CDIN1: variants seen among roughly 807,000 people sequenced by gnomAD.
CDIN1 encodes CDAN1 interacting nuclease 1, also known as CDAN1-interacting nuclease 1.
CDIN1 carries 33 observed loss-of-function variants against 45.3 expected under a neutral mutation model. That is an observed-to-expected ratio of 0.73 (90% CI 0.55 to 0.97). The LOEUF is 0.97. Ranked by LOEUF, CDIN1 falls within the 50% of genes least tolerant of loss-of-function variation. The pLI, the probability that CDIN1 is intolerant of heterozygous loss-of-function variation, is 0.00. For synonymous variants in CDIN1, 118 were observed against 124.4 expected, an observed-to-expected ratio of 0.95 and a Z score of 0.34; for missense variants, 303 against 339.4, an observed-to-expected ratio of 0.89 and a Z score of 0.84.
chr15:36,638,830 A>C (rs1418297226), intron 1 of CDIN1, among the ~76,000 whole-genome samples: 1 of 152,240 alleles, frequency 6.6e-6, no homozygotes, highest in Non-Finnish European at 1.5e-5. Flanking sequence ...TTGGAGTATA[A>C]TGTCACATCA....
intron 1 of CDIN1, among the ~76,000 whole-genome samples, chr15:36,621,872 G>GTTTTTTTT (rs553981750): frequency 0.14 from 20,309 of 141,884 alleles, 1,757 homozygotes; most frequent in African/African-American, 0.24. Context: ...AACAAGTTCA[G>GTTTTTTTT]TTTTTTTTTT....
chr15:36,735,681 G>GTACGA (rs1457703614), intron 10 of CDIN1, among the ~76,000 whole-genome samples: 3 of 112,688 alleles, frequency 2.7e-5, no homozygotes, highest in African/African-American at 9.5e-5. Flanking sequence ...TTGGTAGACT[G>GTACGA]TAAGATAAGT....
At chr15:36,642,835 T>C (rs1306233244) in intron 1 of CDIN1, among the ~76,000 whole-genome samples, 1 of 152,206 alleles carries the variant, frequency 6.6e-6, no homozygotes, top group African/African-American at 2.4e-5. Context: ...TGGTTAATAA[T>C]ATACATGGTT....
At chr15:36,787,839 AATATGTATCATATATTTAG>A (rs2054530450) in intron 10 of CDIN1, among the ~76,000 whole-genome samples, 1 of 151,388 alleles carries the variant, frequency 6.6e-6, no homozygotes, top group South Asian at 2.1e-4. Context: ...AAGACTAGGT[AATATGTATCATATATTTAG>A]ATATGTATCA....
chr15:36,583,153 T>TC (rs987036932), intron 1 of CDIN1, among the ~76,000 whole-genome samples: 2 of 152,208 alleles, frequency 1.3e-5, no homozygotes, highest in East Asian at 1.9e-4. Flanking sequence ...GCTTTTTTTT[T>TC]CTGACATTTT....
chr15:36,596,356 A>C (rs1307717287), intron 1 of CDIN1, among the ~76,000 whole-genome samples: 1 of 152,178 alleles, frequency 6.6e-6, no homozygotes, highest in Non-Finnish European at 1.5e-5. Flanking sequence ...AATTTGCCAA[A>C]TTTATGGATA....
chr15:36,744,500 A>G (rs918489492), intron 10 of CDIN1, among the ~76,000 whole-genome samples: 2 of 152,194 alleles, frequency 1.3e-5, no homozygotes, highest in Non-Finnish European at 2.9e-5. Flanking sequence ...TATGTTCACC[A>G]TTCTGGGAAC....
intron 1 of CDIN1, among the ~76,000 whole-genome samples, chr15:36,620,224 G>A (rs1167684679): frequency 2.6e-5 from 4 of 152,004 alleles, no homozygotes; most frequent in South Asian, 2.1e-4. Context: ...GGTGGCGGGC[G>A]CCTGTAGGCC....
intron 10 of CDIN1, among the ~76,000 whole-genome samples, chr15:36,763,906 G>T (rs72708624): frequency 0.1 from 15,328 of 152,184 alleles, 914 homozygotes; most frequent in Non-Finnish European, 0.14. Flanking sequence ...TATATACATA[G>T]TGAATGTCCA....
intron 10 of CDIN1, among the ~76,000 whole-genome samples, chr15:36,755,632 G>A (rs563624324): frequency 6.6e-6 from 1 of 151,490 alleles, no homozygotes; most frequent in East Asian, 1.9e-4. Flanking sequence ...TGCTAAAATA[G>A]ATTACTCATT....
At chr15:36,691,839 T>C in intron 6 of CDIN1, 75 bp downstream of exon 6, 1 of 1,149,400 alleles carries the variant, frequency 8.7e-7, no homozygotes. Context: ...TTAAACCTCA[T>C]TTAATTACTG....
chr15:36,691,397 C>A, intron 5 of CDIN1: 1 of 308,562 alleles, frequency 3.2e-6, no homozygotes, highest in Non-Finnish European at 5.9e-6. Context: ...CCCAAATGGG[C>A]TTTTCGGAAG....
intron 10 of CDIN1, among the ~76,000 whole-genome samples, chr15:36,713,037 T>C (rs895864094): frequency 2.0e-5 from 3 of 152,170 alleles, no homozygotes; most frequent in Admixed American, 2.0e-4. Context: ...TAAGTATACT[T>C]TTATACTGAG....
intron 10 of CDIN1, among the ~76,000 whole-genome samples, chr15:36,754,566 TAAAA>T (rs5811936): frequency 2.0e-5 from 2 of 102,488 alleles, no homozygotes; most frequent in Non-Finnish European, 4.0e-5. Flanking sequence ...TGGTCTCTCT[TAAAA>T]AAAAAAAAAA....
At chr15:36,750,093 T>C (rs897333717) in intron 10 of CDIN1, among the ~76,000 whole-genome samples, 1 of 151,766 alleles carries the variant, frequency 6.6e-6, no homozygotes. Context: ...TGGTTCGCGG[T>C]GGTGGTGTGG....
chr15:36,680,158 C>T (rs1173375087), intron 5 of CDIN1, among the ~76,000 whole-genome samples: 2 of 152,146 alleles, frequency 1.3e-5, no homozygotes. Context: ...CCACCAATGA[C>T]CATTCTCCCT....
chr15:36,677,692 A>G (rs2041697334), intron 5 of CDIN1, among the ~76,000 whole-genome samples: 1 of 152,150 alleles, frequency 6.6e-6, no homozygotes, highest in African/African-American at 2.4e-5. Flanking sequence ...ATTCCACAAT[A>G]TGAGGGAGAG....
intron 10 of CDIN1, among the ~76,000 whole-genome samples, chr15:36,791,020 G>T (rs2054631638): frequency 6.6e-6 from 1 of 152,132 alleles, no homozygotes; most frequent in African/African-American, 2.4e-5. Flanking sequence ...CCTCGAGTAG[G>T]TCCCAGTGTC....
intron 5 of CDIN1, among the ~76,000 whole-genome samples, chr15:36,689,343 G>T (rs1302899467): frequency 6.6e-6 from 1 of 152,002 alleles, no homozygotes; most frequent in Non-Finnish European, 1.5e-5. Context: ...CCAGGAGTTT[G>T]CATATAGTTT....
Sources: allele counts gnomAD v4.1 joint callset (sites outside exome capture counted in the v4.1 genomes callset), GRCh38; gene constraint gnomAD v4.1.1; transcripts MANE v1.5; gene names NCBI Gene and HGNC (gene_info 2026-07-23, HGNC 2026-07-21).